JAK1: variants seen among roughly 807,000 people sequenced by gnomAD.
JAK1 encodes Janus kinase 1.
Under a neutral mutation model 136.6 loss-of-function variants are expected in JAK1, and 16 were observed. The observed-to-expected ratio is 0.12, with a 90% CI of 0.08 to 0.18. JAK1 has a LOEUF of 0.18. Ranked by LOEUF, JAK1 falls within the 10% of genes least tolerant of loss-of-function variation. The probability of loss-of-function intolerance (pLI) is 1.00; values close to 1 mark genes in which losing one functional copy is unlikely to be tolerated. For missense variants in JAK1, 859 were observed against 1,450.1 expected (o/e 0.59, Z 6.62); for synonymous variants, 492 against 519.5 (o/e 0.95, Z 0.72).
At chr1:64,968,159 G>A (rs931249473), upstream of JAK1, among the ~76,000 whole-genome samples, 1 of 152,122 alleles carries the variant, frequency 6.6e-6, no homozygotes, top group African/African-American at 2.4e-5. Flanking sequence ...GGAAAGTCAG[G>A]AAGGCAGCAG....
In JAK1 at chr1:64,833,405, A is replaced by C. The variant is rs12353950; in HGVS notation, c.*1157T>G. The C allele has an allele frequency of 0.08, 18,637 of 232,860 alleles. 933 individuals carry two copies. The highest frequency in any genetic ancestry group is 0.11 in the Non-Finnish European group (12,423 of 117,526). The allele number at this position is 232,860 out of a possible 1,614,324, so 14.4% of individuals were successfully genotyped here. ...TCAACAGGTGAAAAGTAACAATATC[A>C]AACGAATACTAAACAGCATAACAAA... On this transcript the variant is annotated 3_prime_UTR_variant, in exon 25 of 25. Coordinates refer to ENST00000342505, the MANE Select transcript of JAK1 (RefSeq NM_002227.4).
chr1:64,863,366 T>C (rs945468051), intron 8 of JAK1, among the ~76,000 whole-genome samples: 1 of 151,850 alleles, frequency 6.6e-6, no homozygotes, highest in Non-Finnish European at 1.5e-5. Flanking sequence ...ATATCCAGGA[T>C]GCAGCATATA....
chr1:65,045,502 TGGTGGG>T (rs1647176346), intron 1 of JAK1, among the ~76,000 whole-genome samples: 1 of 143,172 alleles, frequency 7.0e-6, no homozygotes, highest in African/African-American at 3.0e-5. Flanking sequence ...CATGAAAGCA[TGGTGGG>T]AAGCATGAAA....
intron 2 of JAK1, among the ~76,000 whole-genome samples, chr1:65,040,845 G>A (rs1045807367): frequency 6.6e-6 from 1 of 152,172 alleles, no homozygotes; most frequent in African/African-American, 2.4e-5. Context: ...CATTTCAGAG[G>A]AGCTGACAGA....
At chr1:64,926,754 AC>A (rs1409428141) in intron 1 of JAK1, among the ~76,000 whole-genome samples, 1 of 152,214 alleles carries the variant, frequency 6.6e-6, no homozygotes, top group Admixed American at 6.5e-5. Context: ...ACAGTCTGGA[AC>A]CAGAACACGT....
intron 1 of JAK1, among the ~76,000 whole-genome samples, chr1:64,924,559 G>T (rs1227576472): frequency 1.3e-5 from 2 of 152,174 alleles, no homozygotes; most frequent in East Asian, 1.9e-4. Context: ...GTAGGGTCTT[G>T]TCTTTGTATG....
chr1:64,939,411 A>G (rs1166251506), intron 1 of JAK1, among the ~76,000 whole-genome samples: 1 of 152,246 alleles, frequency 6.6e-6, no homozygotes, highest in East Asian at 1.9e-4. Context: ...ACACAAGTTC[A>G]CAATAGTTTC....
At chr1:64,886,652 C>T (rs1461607285) in intron 1 of JAK1, among the ~76,000 whole-genome samples, 1 of 151,942 alleles carries the variant, frequency 6.6e-6, no homozygotes, top group African/African-American at 2.4e-5. Flanking sequence ...TTTCCATCAA[C>T]AGCCCCTCTC....
intron 2 of JAK1, among the ~76,000 whole-genome samples, chr1:65,005,719 T>C (rs564387049): frequency 3.0e-4 from 45 of 152,320 alleles, no homozygotes; most frequent in Middle Eastern, 6.8e-3. Flanking sequence ...TTTAAAAATA[T>C]GTGAGTTATC....
At chr1:65,053,344 C>CAA (rs201167668) in intron 1 of JAK1, among the ~76,000 whole-genome samples, 58 of 150,806 alleles carry the variant, frequency 3.8e-4, no homozygotes, top group Admixed American at 1.7e-3. Context: ...GACTCCGCCT[C>CAA]AAAAAAAACA....
intron 2 of JAK1, among the ~76,000 whole-genome samples, chr1:65,028,664 T>C (rs1484654239): frequency 6.6e-6 from 1 of 152,214 alleles, no homozygotes; most frequent in Non-Finnish European, 1.5e-5. Context: ...CACTAAAAAT[T>C]GGAACTTTAA....
intron 1 of JAK1, among the ~76,000 whole-genome samples, chr1:64,919,768 C>T (rs1645463607): frequency 6.6e-6 from 1 of 152,106 alleles, no homozygotes; most frequent in South Asian, 2.1e-4. Flanking sequence ...AGGTTGAAAA[C>T]AGAAATGAAC....
rs1322198663 is a variant in JAK1, at chr1:64,844,860, C to T, written c.2145G>A (p.Val715=). The change falls in exon 16 of 25, where the codon GTG becomes GTA. Residue 715 remains valine, a synonymous_variant. Coordinates refer to ENST00000342505, the MANE Select transcript of JAK1 (RefSeq NM_002227.4). The surrounding 1 kb of genome is among the most constrained non-coding windows in gnomAD (Gnocchi z 5.7). ...LEDKDLVHGN[V]CTKNLLLARE... Reference sequence around the variant, plus strand: ...GGGCCAGGAGGAGGTTTTTAGTACACACATTTCCATGGACCAGGTCTTTAT... The same window carrying T: ...GGGCCAGGAGGAGGTTTTTAGTACATACATTTCCATGGACCAGGTCTTTAT... 1.2e-6 allele frequency: 2 copies of T among 1,614,210 alleles called. No individual in the cohort carries two copies. The highest frequency in any genetic ancestry group is 1.7e-5 in the Admixed American group (1 of 60,022).
At chr1:64,841,687 T>A in intron 17 of JAK1, 86 bp from the exon 18 acceptor site, 1 of 1,337,526 alleles carries the variant, frequency 7.5e-7, no homozygotes, top group Non-Finnish European at 1.1e-6. Context: ...TGCCAATTCC[T>A]CATTCGATTC....
intron 2 of JAK1, among the ~76,000 whole-genome samples, chr1:64,988,476 T>TC (rs1310992723): frequency 1.4e-4 from 21 of 151,874 alleles, no homozygotes; most frequent in Middle Eastern, 3.4e-3. Context: ...CAAGCTCCTG[T>TC]CCCCCCCATA....
chr1:65,042,445 C>T (rs1010814733), intron 2 of JAK1, among the ~76,000 whole-genome samples: 52 of 151,676 alleles, frequency 3.4e-4, no homozygotes, highest in Non-Finnish European at 1.5e-4. Context: ...CACAAACACA[C>T]CCCAGAAATT....
chr1:65,024,414 G>A (rs1244169979), intron 2 of JAK1, among the ~76,000 whole-genome samples: 2 of 152,100 alleles, frequency 1.3e-5, no homozygotes, highest in African/African-American at 4.8e-5. Context: ...TTGGGGAAAT[G>A]TCTATTCATA....
intron 18 of JAK1, 38 bp downstream of exon 18, chr1:64,841,413 C>T: frequency 6.2e-7 from 1 of 1,613,938 alleles, no homozygotes; most frequent in South Asian, 1.1e-5. Flanking sequence ...TCCTGTTTCT[C>T]CCCAAGCTGG....
intron 2 of JAK1, among the ~76,000 whole-genome samples, chr1:65,032,564 A>C (rs1647033312): frequency 6.6e-6 from 1 of 152,238 alleles, no homozygotes; most frequent in African/African-American, 2.4e-5. Flanking sequence ...TCCACTCAAA[A>C]TAATTTCAAA....
Sources: gnomAD v4.1 joint callset for allele counts (sites outside exome capture counted in the v4.1 genomes callset) on GRCh38, gnomAD v4.1.1 for gene constraint, Gnocchi (gnomAD v3.1) non-coding constraint, MANE v1.5 for transcripts, NCBI Gene and HGNC (gene_info 2026-07-23, HGNC 2026-07-21) for gene names.